SPAG5: variants seen among roughly 807,000 people sequenced by gnomAD.
The protein encoded by SPAG5 is sperm associated antigen 5.
A neutral mutation model predicts 145.4 loss-of-function variants in SPAG5; 99 were observed. The ratio of observed to expected loss-of-function variants is 0.68; its 90% CI spans 0.58 to 0.80. SPAG5 has a LOEUF of 0.80. Ranked by LOEUF, SPAG5 falls within the 30% of genes least tolerant of loss-of-function variation. The pLI is 0.00. For missense variants in SPAG5, 1,192 were observed against 1,416.0 expected, an observed-to-expected ratio of 0.84 and a Z score of 2.54; for synonymous variants, 477 against 525.4, an observed-to-expected ratio of 0.91 and a Z score of 1.26.
At chr17:28,595,560 C>G (rs1431597987) in intron 2 of SPAG5, among the ~76,000 whole-genome samples, 1 of 151,792 alleles carries the variant, frequency 6.6e-6, no homozygotes, top group African/African-American at 2.4e-5. Context: ...CCAGCCTGGC[C>G]AATGTGGTGA....
At chr17:28,578,322 CAG>C in intron 21 of SPAG5, 30 bp from the exon 22 acceptor site, 1 of 1,614,082 alleles carries the variant, frequency 6.2e-7, no homozygotes, top group Non-Finnish European at 8.5e-7. Context: ...AACAGGGGTA[CAG>C]CCTGGGGTCC....
chr17:28,582,004 T>A (rs2070551921), intron 15 of SPAG5, among the ~76,000 whole-genome samples: 1 of 152,196 alleles, frequency 6.6e-6, no homozygotes, highest in African/African-American at 2.4e-5. Context: ...TCACATCAAA[T>A]TGGTCACTCT....
In SPAG5 at chr17:28,578,419, G is replaced by A. The variant is rs959320436; in HGVS notation, c.3308C>T (p.Pro1103Leu). Residue 1103 changes from proline to leucine, a missense_variant, in exon 21 of 24, where the codon CCT becomes CTT. Around this residue, in one of 5 missense-constraint regions of SPAG5, gnomAD observed 709 missense variants for 840.7 expected, o/e 0.84. Transcript: ENST00000321765. ...LAGQLDSNCQ[P>L]MATNWIQEKV... ...CTCCTGGATCCAATTGGTGGCCATA[G>A]GCTGGCAGTTGGAGTCCAGCTGGCC... The A allele has an allele frequency of 6.2e-7, 1 of 1,614,186 alleles. No homozygotes were observed. Among genetic ancestry groups the A allele is most frequent in the African/African-American group, 1.3e-5 (1 of 75,056 alleles).
Position 28,579,458 on chromosome 17 carries a change from G to C in SPAG5, c.2912C>G (p.Ala971Gly). The change falls in exon 18 of 24, where the codon GCA (alanine) becomes GGA (glycine). Residue 971 changes from alanine (A) to glycine (G), a missense_variant. Transcript: ENST00000321765. ...AETPGMEESLAEMSIMTTELQ... is the reference protein window; with the variant it reads ...AETPGMEESLGEMSIMTTELQ... ...CTCAGTAGTCATAATACTCATTTCT[G>C]CCAGGCTCTCCTCCATGCCTGGGGT... The C allele has an allele frequency of 6.2e-7, 1 of 1,613,946 alleles. No individual in the cohort carries two copies. The highest frequency in any genetic ancestry group is 8.5e-7 in the Non-Finnish European group (1 of 1,179,936).
chr17:28,591,520 C>T (rs1057330550), intron 4 of SPAG5, among the ~76,000 whole-genome samples, 178 bp downstream of exon 4: 4 of 152,218 alleles, frequency 2.6e-5, no homozygotes, highest in South Asian at 4.1e-4. Context: ...CCACCTTGGC[C>T]TCCCAAAGCA....
intron 9 of SPAG5, 37 bp downstream of exon 9, chr17:28,585,282 G>C (rs2070576757): frequency 6.2e-7 from 1 of 1,610,800 alleles, no homozygotes; most frequent in Non-Finnish European, 8.5e-7. Context: ...GACTTGATGT[G>C]AGTAAGGAAT....
intron 2 of SPAG5, 66 bp from the exon 3 acceptor site, chr17:28,593,132 T>C: frequency 6.5e-7 from 1 of 1,529,652 alleles, no homozygotes; most frequent in Non-Finnish European, 8.8e-7. Flanking sequence ...CAATTACAGG[T>C]GCAAGATAGT....
intron 2 of SPAG5, among the ~76,000 whole-genome samples, chr17:28,595,796 A>G (rs1567627556): frequency 1.3e-5 from 2 of 152,244 alleles, no homozygotes; most frequent in South Asian, 4.1e-4. Flanking sequence ...CCGTAATCCC[A>G]GCACTTTGGG....
At position 28,593,009 on chromosome 17, in the gene SPAG5, A is replaced by G. The variant is rs747981531; in HGVS notation, c.235T>C (p.Ser79Pro). 2.5e-6 allele frequency: 4 copies of G among 1,614,204 alleles called. No individual in the cohort carries two copies. The highest frequency in any genetic ancestry group is 1.7e-5 in the Admixed American group (1 of 60,020). Residue 79 changes from serine (S) to proline (P), a missense_variant, in exon 3 of 24, where the codon TCT becomes CCT. By Grantham distance (74) the Ser-to-Pro change is moderately conservative. This residue lies in a region of SPAG5 where 329 missense variants were observed against 354.0 expected (regional missense o/e 0.93). Coordinates refer to ENST00000321765, the MANE Select transcript of SPAG5 (RefSeq NM_006461.4). The stretch of plus-strand genomic sequence containing the variant: ...GAGGAATGACTGAAATGTTCTGAAG[A>G]TAAGTCTGTCCTCTTGTTATTTACA... ...DFVNNKRTDL[S>P]SEHFSHSSKW...
At position 28,579,988 on chromosome 17, in the gene SPAG5, C is replaced by G. The variant is rs1318001778; in HGVS notation, c.2797+21G>C. The G allele has an allele frequency of 5.6e-6, 9 of 1,597,842 alleles. No individual in the cohort carries two copies. The Admixed American group carries it at 1.0e-4, about 18-fold the overall frequency. On this transcript the variant is annotated intron_variant, in intron 16 of 23. Transcript: ENST00000321765. ...GAGCAGCGTCACAACTTTCCCACCCCCAAATCCCAGGGCCTTTAACCTTCA... is the reference window on the plus strand; with the variant it reads ...GAGCAGCGTCACAACTTTCCCACCCGCAAATCCCAGGGCCTTTAACCTTCA...
Position 28,592,296 on chromosome 17 carries a change from T to C in SPAG5, c.948A>G (p.Glu316=). The C allele has an allele frequency of 6.2e-7, 1 of 1,614,206 alleles. No individual in the cohort carries two copies. Among genetic ancestry groups the C allele is most frequent in the South Asian group, 1.1e-5 (1 of 91,076 alleles). Residue 316 remains glutamate, a synonymous_variant, in exon 3 of 24, where the codon GAA becomes GAG. Coordinates refer to ENST00000321765, the MANE Select transcript of SPAG5 (RefSeq NM_006461.4). ...TCLTPNLVEM[E]SQEAPGPAVE... is the part of the protein sequence containing the mutation. ...CTGCTGGGCCTGGAGCTTCTTGGGATTCCATTTCTACTAGATTTGGTGTCA... is the reference window on the plus strand; with the variant it reads ...CTGCTGGGCCTGGAGCTTCTTGGGACTCCATTTCTACTAGATTTGGTGTCA...
chr17:28,585,496 C>T (rs1359516054), intron 8 of SPAG5, 38 bp downstream of exon 8: 2 of 1,613,738 alleles, frequency 1.2e-6, no homozygotes, highest in African/African-American at 1.3e-5. Context: ...CCCAGTCTGT[C>T]AGCACAGACC....
intron 4 of SPAG5, 74 bp from the exon 5 acceptor site, chr17:28,586,573 C>G (rs920426067): frequency 7.8e-7 from 1 of 1,276,402 alleles, no homozygotes; most frequent in Non-Finnish European, 1.1e-6. Flanking sequence ...GCTCTATCAT[C>G]CAGACTGGAG....
chr17:28,594,378 G>A (rs762210914), intron 2 of SPAG5, among the ~76,000 whole-genome samples: 7 of 151,822 alleles, frequency 4.6e-5, no homozygotes, highest in Non-Finnish European at 8.8e-5. Flanking sequence ...GGCGGATCAC[G>A]AGGTCAGGAG....
chr17:28,591,149 G>A (rs77833695), intron 4 of SPAG5, among the ~76,000 whole-genome samples: 1 of 152,214 alleles, frequency 6.6e-6, no homozygotes, highest in South Asian at 2.1e-4. Flanking sequence ...AAAAAACGAA[G>A]AAAAAGAATA....
At chr17:28,591,449 G>C (rs1231917894) in intron 4 of SPAG5, among the ~76,000 whole-genome samples, 2 of 152,190 alleles carry the variant, frequency 1.3e-5, no homozygotes, top group Non-Finnish European at 2.9e-5. Context: ...ATCTTTTGTA[G>C]GGATGGGATC....
Position 28,585,995 on chromosome 17 carries a change from G to T in SPAG5, c.1609C>A (p.Arg537=), listed in dbSNP as rs746174146. The T allele has an allele frequency of 6.2e-7, 1 of 1,614,142 alleles. No individual in the cohort carries two copies. The highest frequency in any genetic ancestry group is 8.5e-7 in the Non-Finnish European group (1 of 1,180,024). Residue 537 remains arginine, a synonymous_variant, in exon 7 of 24, where the codon CGG becomes AGG. Coordinates refer to ENST00000321765, the MANE Select transcript of SPAG5 (RefSeq NM_006461.4). ...CAACAGACCAATGTTTCTGCACGCC[G>T]AGACTATATGGTAAGAATCAGTTAA... ...EDKTTVSQES[R]RAETLVCCCF...
chr17:28,589,509 C>T (rs1180112018), intron 4 of SPAG5, among the ~76,000 whole-genome samples: 1 of 152,156 alleles, frequency 6.6e-6, no homozygotes, highest in Non-Finnish European at 1.5e-5. Flanking sequence ...AGAAAAAGCT[C>T]TTCTTAGCAG....
rs759199151 is a variant in SPAG5 at position 28,585,506 on chromosome 17, C to A, written c.1860+28G>T. ...ACCCTCCCAGTCTGTCAGCACAGAC[C>A]CCAGGAAAGAAAATGCCCTTAAATT... On this transcript the variant is annotated intron_variant, in intron 8 of 23. Transcript: ENST00000321765. The A allele has an allele frequency of 2.5e-6, 4 of 1,613,766 alleles. No homozygotes were observed. In the African/African-American group the frequency reaches 5.3e-5, roughly 22 times the overall value.
Sources: gnomAD v4.1 joint callset for allele counts (sites outside exome capture counted in the v4.1 genomes callset) on GRCh38, gnomAD v4.1.1 for gene constraint, gnomAD v4.1.1 regional missense constraint, MANE v1.5 for transcripts, NCBI Gene and HGNC (gene_info 2026-07-23, HGNC 2026-07-21) for gene names.